HRNR: variants seen among roughly 807,000 people sequenced by gnomAD.
HRNR encodes the protein hornerin.
HRNR carries 7 observed loss-of-function variants against 4.8 expected under a neutral mutation model. The ratio of observed to expected loss-of-function variants is 1.47; its 90% CI spans 0.83 to 2.75. The LOEUF (loss-of-function observed/expected upper bound fraction) is 2.75, where lower values mean the gene tolerates loss of function less well. HRNR is among the 30% of genes most tolerant of loss of function. The pLI, the probability that HRNR is intolerant of heterozygous loss-of-function variation, is 0.00. For synonymous variants in HRNR, 1,023 were observed against 1,242.7 expected (o/e 0.82, Z 3.72); for missense variants, 2,879 against 3,010.4 (o/e 0.96, Z 1.02).
At position 152,219,134 on chromosome 1, in the gene HRNR, C is replaced by G. The variant is rs369184828; in HGVS notation, c.2495G>C (p.Gly832Ala). ...GCTAGAGAAGTGACCTGAGGCAGAA[C>G]CATGCTGACTATAGCCCTGTCCTGA... ...SGSGQGYSQH[G>A]SASGHFSSQG... Residue 832 changes from glycine to alanine, a missense_variant, in exon 3 of 3, where the codon GGT becomes GCT. Physicochemically the swap from Gly to Ala is moderately conservative, Grantham distance 60 (BLOSUM62 0). Coordinates refer to ENST00000368801, the MANE Select transcript of HRNR (RefSeq NM_001009931.3). The G allele has an allele frequency of 1.9e-5, 31 of 1,613,532 alleles. No individual in the cohort carries two copies. The highest frequency in any genetic ancestry group is 3.3e-5 in the South Asian group (3 of 91,062).
chr1:152,223,647 A>C (rs1274524191), intron 1 of HRNR, among the ~76,000 whole-genome samples: 3 of 152,210 alleles, frequency 2.0e-5, no homozygotes, highest in East Asian at 1.9e-4. Context: ...TACTGTGGGC[A>C]TAGGTCCATC....
Position 152,220,706 on chromosome 1 carries a change from C to G in HRNR, c.923G>C (p.Ser308Thr), listed in dbSNP as rs751869366. The change falls in exon 3 of 3, where the codon AGC becomes ACC. Residue 308 changes from serine (S) to threonine (T), a missense_variant. By Grantham distance (58) the Ser-to-Thr change is moderately conservative. This residue lies in a region of HRNR where 2,646 missense variants were observed against 1,377.7 expected (regional missense o/e 1.92). Coordinates refer to ENST00000368801, the MANE Select transcript of HRNR (RefSeq NM_001009931.3). ...RQGSGSRQSP[S>T]HVRHGSGSGH... Reference sequence around the variant, plus strand: ...CGAACCGGACCCATGTCGGACGTGGCTAGGAGACTGGCGAGATCCAGACCC... The same window carrying G: ...CGAACCGGACCCATGTCGGACGTGGGTAGGAGACTGGCGAGATCCAGACCC... 1 of 1,613,200 alleles carries G rather than the reference C, an allele frequency of 6.2e-7. No homozygotes were observed. Among genetic ancestry groups the G allele is most frequent in the Non-Finnish European group, 8.5e-7 (1 of 1,179,504 alleles).
rs1648842490 is a variant in HRNR, at chr1:152,219,342, A to T, written c.2287T>A (p.Ser763Thr). The change falls in exon 3 of 3, where the codon TCG (serine) becomes ACG (threonine). Residue 763 changes from serine to threonine, a missense_variant. By Grantham distance (58) the Ser-to-Thr change is moderately conservative. Transcript: ENST00000368801. ...CCAGACCCTTGTCGGCCGTGGCCCGAAGATTGATGGGAGCCCGACCCATGC... is the reference window on the plus strand; with the variant it reads ...CCAGACCCTTGTCGGCCGTGGCCCGTAGATTGATGGGAGCCCGACCCATGC... ...GQHGSGSHQS[S>T]GHGRQGSGSG... 3 of 1,613,514 alleles carry T rather than the reference A, an allele frequency of 1.9e-6. No homozygotes were observed. Among genetic ancestry groups the T allele is most frequent in the Non-Finnish European group, 1.7e-6 (2 of 1,179,936 alleles).
At chr1:152,222,957 C>T (rs976794423) in intron 2 of HRNR, among the ~76,000 whole-genome samples, 159 bp downstream of exon 2, 2 of 152,174 alleles carry the variant, frequency 1.3e-5, no homozygotes, top group Admixed American at 1.3e-4. Flanking sequence ...GAAACCATCA[C>T]GGATCTGCTT....
rs368737363 is a variant in HRNR at position 152,220,772 on chromosome 1, T to C, written c.857A>G (p.His286Arg). ...SSGSSSSYGQ[H>R]GSGSRQSLGH... The stretch of plus-strand genomic sequence containing the variant: ...CAAAGACTGACGGGAACCAGACCCA[T>C]GCTGACCATAGCTGGAAGACGAACC... The change falls in exon 3 of 3, where the codon CAT (histidine) becomes CGT (arginine). Residue 286 changes from histidine (H) to arginine (R), a missense_variant. This residue lies in a region of HRNR where 2,646 missense variants were observed against 1,377.7 expected (regional missense o/e 1.92). Transcript: ENST00000368801. 4.3e-6 allele frequency: 7 copies of C among 1,613,986 alleles called. No individual in the cohort carries two copies. The highest frequency in any genetic ancestry group is 4.2e-6 in the Non-Finnish European group (5 of 1,180,000).
Position 152,221,212 on chromosome 1 carries a change from G to A in HRNR, c.417C>T (p.Ser139=). The change falls in exon 3 of 3, where the codon TCC becomes TCT. Residue 139 remains serine, a synonymous_variant. Transcript: ENST00000368801. ...HSSWSAGEND[S]YSRNVRGSLK... is the part of the protein sequence containing the mutation. ...GACTTCCTCTGACGTTTCTGGAATA[G>A]GAATCATTCTCTCCTGCACTCCAAC... The A allele has an allele frequency of 1.9e-6, 3 of 1,614,180 alleles. No individual in the cohort carries two copies. Among genetic ancestry groups the A allele is most frequent in the African/African-American group, 1.3e-5 (1 of 75,050 alleles).
chr1:152,220,967 T>C lies in HRNR; in HGVS notation c.662A>G (p.His221Arg), dbSNP rs1359004712. 1 of 1,614,088 alleles carries C rather than the reference T, an allele frequency of 6.2e-7. No individual in the cohort carries two copies. Among genetic ancestry groups the C allele is most frequent in the Non-Finnish European group, 8.5e-7 (1 of 1,180,054 alleles). The change falls in exon 3 of 3, where the codon CAT becomes CGT. Residue 221 changes from histidine (H) to arginine (R), a missense_variant. Around this residue, in one of 8 missense-constraint regions of HRNR, gnomAD observed 2,646 missense variants for 1,377.7 expected, o/e 1.92. Transcript: ENST00000368801. ...GSGQSSSNDT[H>R]GSGSGQSSGF... is the part of the protein sequence containing the mutation. Reference sequence around the variant, plus strand: ...AGAAGACTGGCCTGAGCCAGACCCATGTGTGTCATTGCTGGAAGACTGTCC... The same window carrying C: ...AGAAGACTGGCCTGAGCCAGACCCACGTGTGTCATTGCTGGAAGACTGTCC...
Position 152,219,562 on chromosome 1 carries a change from G to T in HRNR, c.2067C>A (p.Gly689=). Residue 689 remains glycine (G), a synonymous_variant, in exon 3 of 3, where the codon GGC becomes GGA. Transcript: ENST00000368801. ...GSGSGWSSSN[G]PHGSVSGQSS... The stretch of plus-strand genomic sequence containing the variant: ...ACTGGCCTGAGACAGACCCATGTGG[G>T]CCATTGCTTGAAGACCAACCGGAGC... The T allele has an allele frequency of 1.2e-6, 2 of 1,613,810 alleles. No individual in the cohort carries two copies. The highest frequency in any genetic ancestry group is 1.7e-6 in the Non-Finnish European group (2 of 1,179,968).
At position 152,218,662 on chromosome 1, in the gene HRNR, G is replaced by T. The variant is rs762089860; in HGVS notation, c.2967C>A (p.Gly989=). The T allele has an allele frequency of 5.0e-6, 8 of 1,613,648 alleles. No individual in the cohort carries two copies. The Admixed American group carries it at 5.0e-5, about 10-fold the overall frequency. Residue 989 remains glycine (G), a synonymous_variant, in exon 3 of 3, where the codon GGC becomes GGA. Transcript: ENST00000368801. ...SSSSYGQHGS[G]SRQSLGHGQH... is the part of the protein sequence containing the mutation. Reference sequence around the variant, plus strand: ...GGCCGTGGCCCAAAGACTGACGGGAGCCAGACCCATGCTGACCATAGCTGG... The same window carrying T: ...GGCCGTGGCCCAAAGACTGACGGGATCCAGACCCATGCTGACCATAGCTGG...
Position 152,219,851 on chromosome 1 carries a change from T to C in HRNR, c.1778A>G (p.Gln593Arg), listed in dbSNP as rs369151727. ...TCCGTGTTGACCGTAGCCAGAGGAC[T>C]GTCCTGAGCGAGACTCTTGGTGACC... Reference protein sequence around the residue: ...GLGHQESRSGQSSGYGQHGSS... With the variant: ...GLGHQESRSGRSSGYGQHGSS... The change falls in exon 3 of 3, where the codon CAG (glutamine) becomes CGG (arginine). Residue 593 changes from glutamine to arginine, a missense_variant. By Grantham distance (43) the Gln-to-Arg change is conservative. Coordinates refer to ENST00000368801, the MANE Select transcript of HRNR (RefSeq NM_001009931.3). 2 of 1,611,424 alleles carry C rather than the reference T, an allele frequency of 1.2e-6. No homozygotes were observed. Among genetic ancestry groups the C allele is most frequent in the Non-Finnish European group, 1.7e-6 (2 of 1,178,212 alleles).
In HRNR at chr1:152,220,820, C is replaced by A. The variant is rs1374796515; in HGVS notation, c.809G>T (p.Gly270Val). 1.2e-6 allele frequency: 2 copies of A among 1,613,716 alleles called. No homozygotes were observed. The highest frequency in any genetic ancestry group is 8.5e-7 in the Non-Finnish European group (1 of 1,179,912). The change falls in exon 3 of 3, where the codon GGT (glycine) becomes GTT (valine). Residue 270 changes from glycine (G) to valine (V), a missense_variant. Around this residue, in one of 8 missense-constraint regions of HRNR, gnomAD observed 2,646 missense variants for 1,377.7 expected, o/e 1.92. Coordinates refer to ENST00000368801, the MANE Select transcript of HRNR (RefSeq NM_001009931.3). ...HGSRSGQSSR[G>V]ERHRSSSGSS... ...ACCTGAGCTAGATCTGTGTCGTTCA[C>A]CCCTAGATGACTGTCCTGACCTAGA...
In HRNR at chr1:152,213,672, G is replaced by A. The variant is rs1342514127; in HGVS notation, c.7957C>T (p.Pro2653Ser). 1 of 1,489,496 alleles carries A rather than the reference G, an allele frequency of 6.7e-7. No individual in the cohort carries two copies. The highest frequency in any genetic ancestry group is 1.9e-5 in the Admixed American group (1 of 51,988). The allele number at this position is 1,489,496 out of a possible 1,614,324, so 92.3% of individuals were successfully genotyped here. Residue 2653 changes from proline (P) to serine (S), a missense_variant, in exon 3 of 3, where the codon CCT (proline) becomes TCT (serine). Transcript: ENST00000368801. The stretch of plus-strand genomic sequence containing the variant: ...CCGGACCCATGTCGGCCGCGGCTAG[G>A]GGACTGGCCAGATCCAGACCCTTGT... ...GRQGSGSGQS[P>S]SRGRHGSGLG...
Position 152,221,421 on chromosome 1 carries a change from C to T in HRNR, c.208G>A (p.Asp70Asn), listed in dbSNP as rs1648999092. The change falls in exon 3 of 3, where the codon GAT (aspartate) becomes AAT (asparagine). Residue 70 changes from aspartate to asparagine, a missense_variant. By Grantham distance (23) the Asp-to-Asn change is conservative (BLOSUM62 1). Around this residue, in one of 8 missense-constraint regions of HRNR, gnomAD observed 2,646 missense variants for 1,377.7 expected, o/e 1.92. Coordinates refer to ENST00000368801, the MANE Select transcript of HRNR (RefSeq NM_001009931.3). ...ATCATCAGAAGATACTCAGTAAAAT[C>T]CACTTTCTTGTTATGGTCTCGATCC... Reference protein sequence around the residue: ...SLDRDHNKKVDFTEYLLMIFK... With the variant: ...SLDRDHNKKVNFTEYLLMIFK... 6.2e-7 allele frequency: 1 copy of T among 1,613,490 alleles called. No individual in the cohort carries two copies. The highest frequency in any genetic ancestry group is 2.2e-5 in the East Asian group (1 of 44,886).
chr1:152,218,966 C>G lies in HRNR; in HGVS notation c.2663G>C (p.Gly888Ala), dbSNP rs374055600. ...SGRGRHGSGS[G>A]QSPGHGQRGS... Reference sequence around the variant, plus strand: ...ACGCTGGCCGTGGCCTGGAGACTGGCCAGATCCAGAGCCATGTCGGCCGCG... The same window carrying G: ...ACGCTGGCCGTGGCCTGGAGACTGGGCAGATCCAGAGCCATGTCGGCCGCG... The change falls in exon 3 of 3, where the codon GGC (glycine) becomes GCC (alanine). Residue 888 changes from glycine (G) to alanine (A), a missense_variant. Physicochemically the swap from Gly to Ala is moderately conservative, Grantham distance 60. Coordinates refer to ENST00000368801, the MANE Select transcript of HRNR (RefSeq NM_001009931.3). The G allele has an allele frequency of 3.7e-6, 6 of 1,613,966 alleles. No individual in the cohort carries two copies. Among genetic ancestry groups the G allele is most frequent in the Middle Eastern group, 1.6e-4 (1 of 6,062 alleles).
chr1:152,222,321 G>A (rs1393898689), intron 2 of HRNR, among the ~76,000 whole-genome samples: 1 of 152,180 alleles, frequency 6.6e-6, no homozygotes, highest in Non-Finnish European at 1.5e-5. Flanking sequence ...GTTATGTTAA[G>A]GAACTTTGTA....
At position 152,220,172 on chromosome 1, in the gene HRNR, C is replaced by T; in HGVS notation, c.1457G>A (p.Gly486Asp). 6.2e-7 allele frequency: 1 copy of T among 1,613,360 alleles called. No individual in the cohort carries two copies. The highest frequency in any genetic ancestry group is 1.1e-5 in the South Asian group (1 of 91,004). Residue 486 changes from glycine to aspartate, a missense_variant, in exon 3 of 3, where the codon GGT becomes GAT. Around this residue, in one of 8 missense-constraint regions of HRNR, gnomAD observed 2,646 missense variants for 1,377.7 expected, o/e 1.92. Transcript: ENST00000368801. ...GTGTTGTCCGTGGCCGGAGGAGTGA[C>T]CTGAGCCAGATCCATGCTGAGTGTA... ...SGYTQHGSGS[G>D]HSSGHGQHGS...
Position 152,219,394 on chromosome 1 carries a change from G to A in HRNR, c.2235C>T (p.Ser745=), listed in dbSNP as rs761177408. ...GACCATAGCTGGAAGACAAACCTGA[G>A]CTAGATCCGTGTTGTTCACTCCTAG... ...QSSRSEQHGS[S]SGLSSSYGQH... Residue 745 remains serine (S), a synonymous_variant, in exon 3 of 3, where the codon AGC becomes AGT. Transcript: ENST00000368801. 42 of 1,613,996 alleles carry A rather than the reference G, an allele frequency of 2.6e-5. No individual in the cohort carries two copies. The East Asian group carries it at 8.3e-4, about 32-fold the overall frequency.
Position 152,218,537 on chromosome 1 carries a change from G to C in HRNR, c.3092C>G (p.Ser1031Ter), listed in dbSNP as rs1348669770. The stretch of plus-strand genomic sequence containing the variant: ...TGGGCCACGGCTTGAAGACCACCCT[G>C]AGCCAGACCTATATGGGCCATAGCT... ...SSSYGPYRSGSGWSSSRGPYE... is the reference protein window; with the variant it reads ...SSSYGPYRSG Residue 1031 changes from serine to a stop codon, truncating the protein, a stop_gained, in exon 3 of 3, where the codon TCA (serine) becomes TGA (stop). Coordinates refer to ENST00000368801, the MANE Select transcript of HRNR (RefSeq NM_001009931.3). LOFTEE classifies it low-confidence loss of function (END_TRUNC). 1 of 1,613,492 alleles carries C rather than the reference G, an allele frequency of 6.2e-7. No homozygotes were observed. Among genetic ancestry groups the C allele is most frequent in the Non-Finnish European group, 8.5e-7 (1 of 1,179,938 alleles).
In HRNR at chr1:152,213,184, T is replaced by G; in HGVS notation, c.8445A>C (p.Gly2815=). Residue 2815 remains glycine (G), a synonymous_variant, in exon 3 of 3, where the codon GGA becomes GGC. Coordinates refer to ENST00000368801, the MANE Select transcript of HRNR (RefSeq NM_001009931.3). The stretch of plus-strand genomic sequence containing the variant: ...AACTTCCCCCATCATGGTTACTTCC[T>G]CCTTTGCAATAAGAATACCCATCTT... ...SGQDGYSYCK[G]GSNHDGGSSG... 5.6e-6 allele frequency: 9 copies of G among 1,614,126 alleles called. No individual in the cohort carries two copies. Among genetic ancestry groups the G allele is most frequent in the Non-Finnish European group, 7.6e-6 (9 of 1,180,048 alleles).
Sources: gnomAD v4.1 joint callset for allele counts (sites outside exome capture counted in the v4.1 genomes callset) on GRCh38, gnomAD v4.1.1 for gene constraint, gnomAD v4.1.1 regional missense constraint, MANE v1.5 for transcripts, NCBI Gene and HGNC (gene_info 2026-07-23, HGNC 2026-07-21) for gene names.